The following RBMS3 variants were observed in gnomAD, a reference collection of about 807,000 sequenced individuals.
RBMS3 encodes the protein RNA-binding motif, single-stranded-interacting protein 3.
Under a neutral mutation model 66.8 loss-of-function variants are expected in RBMS3, and 27 were observed. The ratio of observed to expected loss-of-function variants is 0.40; its 90% CI spans 0.30 to 0.56. The LOEUF (loss-of-function observed/expected upper bound fraction) is 0.56. RBMS3 is among the 20% of genes least tolerant of loss of function. The pLI is 0.40. For missense variants in RBMS3, 513 were observed against 549.5 expected (o/e 0.93, Z 0.66); for synonymous variants, 188 against 183.0 (o/e 1.03, Z -0.22).
At chr3:29,532,010 G>A (rs895458116) in intron 3 of RBMS3, among the ~76,000 whole-genome samples, 34 of 151,944 alleles carry the variant, frequency 2.2e-4, no homozygotes, top group African/African-American at 7.7e-4. Flanking sequence ...AAACGGAGCC[G>A]TTCTAAGTCT....
At chr3:29,992,676 A>G (rs1378078844) in intron 14 of RBMS3, among the ~76,000 whole-genome samples, 1 of 152,186 alleles carries the variant, frequency 6.6e-6, no homozygotes, top group Non-Finnish European at 1.5e-5. Context: ...GAACACAGCA[A>G]AGACAGCTGG....
chr3:29,646,097 A>T (rs1050928258), intron 4 of RBMS3, among the ~76,000 whole-genome samples: 1 of 152,238 alleles, frequency 6.6e-6, no homozygotes, highest in Admixed American at 6.5e-5. Context: ...ATTTGGCTGT[A>T]TGCCTGTTTA....
chr3:29,888,615 G>C (rs2059928035), intron 8 of RBMS3, among the ~76,000 whole-genome samples: 1 of 151,710 alleles, frequency 6.6e-6, no homozygotes, highest in African/African-American at 2.4e-5. Flanking sequence ...TCAATGACCT[G>C]TGGTTCTAGC....
intron 2 of RBMS3, among the ~76,000 whole-genome samples, chr3:29,479,770 A>G (rs926960729): frequency 3.3e-5 from 5 of 152,174 alleles, no homozygotes; most frequent in African/African-American, 1.2e-4. Context: ...GCTTTGTAAA[A>G]TCTCTAAGCC....
At chr3:29,310,860 T>C (rs59120756) in intron 1 of RBMS3, among the ~76,000 whole-genome samples, 24,366 of 151,742 alleles carry the variant, frequency 0.16, 2,046 homozygotes, top group Admixed American at 0.25. Flanking sequence ...ATTCTATTTT[T>C]CTTACATAGA....
At chr3:29,501,911 A>G (rs1313951721) in intron 3 of RBMS3, among the ~76,000 whole-genome samples, 8 of 152,076 alleles carry the variant, frequency 5.3e-5, no homozygotes, top group Admixed American at 3.3e-4. Context: ...GTCCTCAGAA[A>G]AATGGTTCGC....
intron 1 of RBMS3, among the ~76,000 whole-genome samples, chr3:29,314,281 T>C (rs1265059006): frequency 1.3e-5 from 2 of 151,780 alleles, no homozygotes; most frequent in East Asian, 3.9e-4. Context: ...TAGCTAACTT[T>C]GGTCATTTCA....
chr3:29,845,461 T>C (rs2058754629), intron 6 of RBMS3, among the ~76,000 whole-genome samples: 1 of 152,232 alleles, frequency 6.6e-6, no homozygotes. Flanking sequence ...TATCAATTGG[T>C]TAAACCCAAT....
chr3:29,679,412 T>G (rs141418416), intron 4 of RBMS3, among the ~76,000 whole-genome samples: 56 of 152,210 alleles, frequency 3.7e-4, no homozygotes, highest in African/African-American at 1.3e-3. Flanking sequence ...ATTGCCAAGA[T>G]CATGATTAAG....
chr3:29,497,973 ATTTTTTTTTTTTTTTTTTTT>A (rs779555263), intron 3 of RBMS3, among the ~76,000 whole-genome samples: 30 of 43,438 alleles, frequency 6.9e-4, no homozygotes, highest in African/African-American at 1.7e-3. Flanking sequence ...AAAAGTATTC[ATTTTTTTTTTTTTTTTTTTT>A]TTTTTTTTTT....
At chr3:29,757,846 G>C (rs925275920) in intron 5 of RBMS3, among the ~76,000 whole-genome samples, 4 of 152,084 alleles carry the variant, frequency 2.6e-5, no homozygotes, top group African/African-American at 7.2e-5. Context: ...CTAAACTCCA[G>C]ACTCTATTTG....
At chr3:29,306,073 T>C (rs1333533326) in intron 1 of RBMS3, among the ~76,000 whole-genome samples, 3 of 151,976 alleles carry the variant, frequency 2.0e-5, no homozygotes, top group African/African-American at 7.2e-5. Context: ...ATATCTTTTC[T>C]TTTAGACCTT....
chr3:29,364,302 T>A (rs2037776661), intron 1 of RBMS3, among the ~76,000 whole-genome samples: 2 of 152,116 alleles, frequency 1.3e-5, no homozygotes, highest in Non-Finnish European at 2.9e-5. Context: ...TAGCAGAGAA[T>A]AAGGGGGATT....
intron 6 of RBMS3, among the ~76,000 whole-genome samples, chr3:29,854,190 C>G (rs1488615704): frequency 6.6e-6 from 1 of 152,178 alleles, no homozygotes; most frequent in Non-Finnish European, 1.5e-5. Context: ...GGCGTCCCTC[C>G]CCGCGTCCCT....
rs146288999 is a variant in RBMS3 at position 29,798,172 on chromosome 3, A to G, written c.637+35183A>G. Among the ~76,000 whole-genome samples the G allele has an allele frequency of 5.0e-4, 75 of 151,264 alleles. No homozygotes were observed. The East Asian group carries it at 5.7e-3, about 11-fold the overall frequency. On this transcript the variant is annotated intron_variant, in intron 6 of 14. Transcript: ENST00000383767. ...CAAAGAATATAGATCATAGATTACC[A>G]TCACAGATAAAATAATAATAAAGCT...
At chr3:29,817,052 C>T (rs564899225) in intron 6 of RBMS3, among the ~76,000 whole-genome samples, 1 of 152,140 alleles carries the variant, frequency 6.6e-6, no homozygotes, top group Non-Finnish European at 1.5e-5. Context: ...GATCGAACCA[C>T]TGCACTCCAG....
At chr3:29,462,302 T>C (rs2042399476) in intron 2 of RBMS3, among the ~76,000 whole-genome samples, 1 of 152,224 alleles carries the variant, frequency 6.6e-6, no homozygotes, top group African/African-American at 2.4e-5. Flanking sequence ...TAGGAGAGGC[T>C]GTCTTCAGTC....
Position 29,669,306 on chromosome 3 carries a change from G to T in RBMS3, c.400-70414G>T, listed in dbSNP as rs775227951. On this transcript the variant is annotated intron_variant, in intron 4 of 14. Transcript: ENST00000383767. Reference sequence around the variant, plus strand: ...CACATGTCCTGAATCCTTGTCTAAGGTTCTGCTTCTAGGTACTCCAACCTA... The same window carrying T: ...CACATGTCCTGAATCCTTGTCTAAGTTTCTGCTTCTAGGTACTCCAACCTA... Among the ~76,000 whole-genome samples, 15 of 152,076 alleles carry T rather than the reference G, an allele frequency of 9.9e-5. 1 individual carries two copies. The highest frequency in any genetic ancestry group is 2.6e-4 in the Admixed American group (4 of 15,262).
At chr3:29,293,666 C>T (rs62241679) in intron 1 of RBMS3, among the ~76,000 whole-genome samples, 4 of 151,582 alleles carry the variant, frequency 2.6e-5, no homozygotes, top group African/African-American at 9.7e-5. Flanking sequence ...AACATTGTGT[C>T]TTCTCCATCT....
Sources: allele counts gnomAD v4.1 joint callset (sites outside exome capture counted in the v4.1 genomes callset), GRCh38; gene constraint gnomAD v4.1.1; transcripts MANE v1.5; gene names NCBI Gene and HGNC (gene_info 2026-07-23, HGNC 2026-07-21).